TASP1: variants seen among roughly 807,000 people sequenced by gnomAD.
TASP1 encodes the protein taspase 1, also known as threonine aspartase 1.
Under a neutral mutation model 56.6 loss-of-function variants are expected in TASP1, and 16 were observed. The observed-to-expected ratio is 0.28, with a 90% confidence interval of 0.19 to 0.43. The LOEUF is 0.43. TASP1 is among the 20% of genes least tolerant of loss of function. The pLI is 1.00. For synonymous variants in TASP1, 179 were observed against 184.2 expected (o/e 0.97, Z 0.23); for missense variants, 393 against 511.6 (o/e 0.77, Z 2.24).
At chr20:13,228,598 A>G in the TASP1 span, among the ~76,000 whole-genome samples, 1 of 151,992 alleles carries the variant, frequency 6.6e-6, no homozygotes. Context: ...TAATGTTCGG[A>G]AATTTTACCA....
chr20:13,459,467 A>C (rs2043972368), intron 11 of TASP1, among the ~76,000 whole-genome samples: 1 of 152,064 alleles, frequency 6.6e-6, no homozygotes, highest in South Asian at 2.1e-4. Context: ...CACCTGACAA[A>C]ATTCCAACCA....
At chr20:13,496,226 G>C (rs941096454) in intron 10 of TASP1, among the ~76,000 whole-genome samples, 2 of 151,982 alleles carry the variant, frequency 1.3e-5, no homozygotes, top group East Asian at 3.9e-4. Flanking sequence ...GTTAATTTTT[G>C]TATTTTTTAG....
chr20:13,600,244 C>G (rs1467099564), intron 4 of TASP1, among the ~76,000 whole-genome samples: 1 of 152,140 alleles, frequency 6.6e-6, no homozygotes, highest in African/African-American at 2.4e-5. Flanking sequence ...TCTTTCTCTT[C>G]TTGTAAAGAT....
intron 10 of TASP1, among the ~76,000 whole-genome samples, chr20:13,506,434 T>C (rs933669490): frequency 2.0e-5 from 3 of 152,104 alleles, no homozygotes; most frequent in Non-Finnish European, 4.4e-5. Flanking sequence ...AGCAAAGGCA[T>C]TGTAAGAAAA....
the TASP1 span, among the ~76,000 whole-genome samples, chr20:13,345,844 C>G: frequency 6.6e-6 from 1 of 151,560 alleles, no homozygotes; most frequent in South Asian, 2.1e-4. Context: ...TGGACTGACC[C>G]CACTGCTGTC....
chr20:13,408,220 T>C (rs1164761292), intron 13 of TASP1, among the ~76,000 whole-genome samples: 1 of 152,172 alleles, frequency 6.6e-6, no homozygotes, highest in Non-Finnish European at 1.5e-5. Flanking sequence ...TGATAAATTT[T>C]GAGTTAGTTT....
chr20:13,122,203 A>G, the TASP1 span, among the ~76,000 whole-genome samples: 1 of 152,328 alleles, frequency 6.6e-6, no homozygotes, highest in East Asian at 1.9e-4. Context: ...ATGGATTTTA[A>G]AAGAAGTGTA....
chr20:13,261,930 C>T, the TASP1 span, among the ~76,000 whole-genome samples: 1 of 152,182 alleles, frequency 6.6e-6, no homozygotes, highest in Non-Finnish European at 1.5e-5. Context: ...CCTTATATCC[C>T]CTCATTCTAT....
chr20:13,218,112 G>A, the TASP1 span, among the ~76,000 whole-genome samples: 7 of 152,010 alleles, frequency 4.6e-5, no homozygotes, highest in African/African-American at 2.4e-5. Flanking sequence ...TCAGCCAGGC[G>A]TGGGGGCAGG....
intron 12 of TASP1, among the ~76,000 whole-genome samples, chr20:13,417,882 A>G (rs1033739343): frequency 6.6e-6 from 1 of 151,864 alleles, no homozygotes; most frequent in Non-Finnish European, 1.5e-5. Flanking sequence ...ACGTGCATGC[A>G]CACACACACA....
chr20:13,148,340 G>T, the TASP1 span, among the ~76,000 whole-genome samples: 2 of 152,170 alleles, frequency 1.3e-5, no homozygotes, highest in Non-Finnish European at 2.9e-5. Flanking sequence ...AGCCAGCAAA[G>T]CCAGAAATCA....
the TASP1 span, among the ~76,000 whole-genome samples, chr20:13,269,846 G>C: frequency 6.6e-6 from 1 of 151,976 alleles, no homozygotes; most frequent in Non-Finnish European, 1.5e-5. Context: ...CAAAATAATA[G>C]GTCTCATGTC....
intron 4 of TASP1, among the ~76,000 whole-genome samples, chr20:13,612,722 A>T (rs1263443577): frequency 2.0e-5 from 3 of 152,212 alleles, no homozygotes; most frequent in Non-Finnish European, 2.9e-5. Context: ...CAAGATCAAG[A>T]AAGTAGGCAC....
the TASP1 span, among the ~76,000 whole-genome samples, chr20:13,175,071 G>A: frequency 1.3e-5 from 2 of 152,286 alleles, no homozygotes; most frequent in African/African-American, 2.4e-5. Flanking sequence ...GTGGAACTGT[G>A]AGTCAATTAT....
At chr20:13,366,636 A>G in the TASP1 span, among the ~76,000 whole-genome samples, 2 of 152,162 alleles carry the variant, frequency 1.3e-5, no homozygotes, top group Admixed American at 6.5e-5. Context: ...TCTCCTGCCC[A>G]GGGAAAGGTC....
the TASP1 span, among the ~76,000 whole-genome samples, chr20:13,254,761 AC>A: frequency 6.6e-6 from 1 of 152,344 alleles, no homozygotes; most frequent in East Asian, 1.9e-4. Flanking sequence ...GCCAGGGAGA[AC>A]TTTTCCACCT....
intron 10 of TASP1, among the ~76,000 whole-genome samples, chr20:13,514,468 T>C: frequency 6.6e-6 from 1 of 152,078 alleles, no homozygotes; most frequent in East Asian, 1.9e-4. Context: ...TAAGGAAAGG[T>C]GTCCCAATTC....
chr20:13,260,155 C>T, the TASP1 span, among the ~76,000 whole-genome samples: 2 of 152,202 alleles, frequency 1.3e-5, no homozygotes, highest in African/African-American at 4.8e-5. Flanking sequence ...AGGCAGGTGG[C>T]AAAGGGAACA....
At chr20:13,138,573 T>C in the TASP1 span, among the ~76,000 whole-genome samples, 65 of 152,344 alleles carry the variant, frequency 4.3e-4, no homozygotes, top group South Asian at 4.1e-4. Context: ...CCGAACACTA[T>C]ACTTGGGACT....
Sources: allele counts gnomAD v4.1 joint callset (sites outside exome capture counted in the v4.1 genomes callset), GRCh38; gene constraint gnomAD v4.1.1; transcripts MANE v1.5; gene names NCBI Gene and HGNC (gene_info 2026-07-23, HGNC 2026-07-21).